The following CNNM2 variants were observed in gnomAD, a reference collection of about 807,000 sequenced individuals.
CNNM2 encodes the protein cyclin and CBS domain divalent metal cation transport mediator 2, also known as metal transporter CNNM2.
A neutral mutation model predicts 66.9 loss-of-function variants in CNNM2; 12 were observed. That is an observed-to-expected ratio of 0.18 (90% CI 0.11 to 0.29). CNNM2 has a LOEUF of 0.29. CNNM2 is among the 10% of genes least tolerant of loss of function. The probability of loss-of-function intolerance (pLI) is 1.00; values close to 1 mark genes in which losing one functional copy is unlikely to be tolerated. For synonymous variants in CNNM2, 557 were observed against 501.8 expected, an observed-to-expected ratio of 1.11 and a Z score of -1.47; for missense variants, 705 against 1,167.7, an observed-to-expected ratio of 0.60 and a Z score of 5.77.
chr10:103,072,117 C>G (rs1162629589), intron 6 of CNNM2, among the ~76,000 whole-genome samples: 5 of 152,132 alleles, frequency 3.3e-5, no homozygotes, highest in Non-Finnish European at 5.9e-5. Flanking sequence ...GTTAGCGCTC[C>G]CTGCCCTTGT....
At chr10:103,050,666 G>A (rs1028094504) in intron 2 of CNNM2, among the ~76,000 whole-genome samples, 3 of 152,162 alleles carry the variant, frequency 2.0e-5, no homozygotes, top group African/African-American at 7.2e-5. Flanking sequence ...GGGGCAGTGG[G>A]TCGGGGGTGT....
rs550729365 is a variant in CNNM2, at chr10:103,089,987, G to T, written c.*12807G>T. ...CCCCAAATCCTAACCCCTCTCCTCT[G>T]TTAGGTGGCCATGCAATTACATCTA... On this transcript the variant is annotated 3_prime_UTR_variant, in exon 8 of 8. Coordinates refer to ENST00000369878, the MANE Select transcript of CNNM2 (RefSeq NM_017649.5). The T allele has an allele frequency of 1.9e-4, 225 of 1,159,218 alleles. 2 individuals carry two copies. The South Asian group carries it at 2.5e-3, about 13-fold the overall frequency. 71.8% of individuals were successfully genotyped at this position (1,159,218 alleles called of 1,614,324 possible). A position where few individuals can be genotyped will look rare whatever the true frequency, so the allele number is the denominator to read the frequency against.
At chr10:102,931,514 C>T (rs569818169) in intron 1 of CNNM2, among the ~76,000 whole-genome samples, 3 of 152,146 alleles carry the variant, frequency 2.0e-5, no homozygotes, top group African/African-American at 7.2e-5. Context: ...CGCACCACCA[C>T]GGCCGGCTAA....
intron 1 of CNNM2, among the ~76,000 whole-genome samples, chr10:102,972,776 T>C (rs1454947991): frequency 6.6e-6 from 1 of 152,218 alleles, no homozygotes; most frequent in Non-Finnish European, 1.5e-5. Flanking sequence ...TTGGTTCCTT[T>C]TACTTAACAT....
intron 7 of CNNM2, 150 bp downstream of exon 7, chr10:103,076,420 C>T (rs1169424654): frequency 3.8e-5 from 28 of 746,552 alleles, no homozygotes; most frequent in Non-Finnish European, 5.3e-5. Context: ...CACACCCTGT[C>T]TTCGTCTGCT....
chr10:103,057,593 G>C (rs116134457), intron 4 of CNNM2, among the ~76,000 whole-genome samples: 3 of 152,084 alleles, frequency 2.0e-5, no homozygotes, highest in Non-Finnish European at 4.4e-5. Flanking sequence ...AATCTCAGTG[G>C]GTGTTTGAAA....
chr10:102,948,106 C>T (rs1248274993), intron 1 of CNNM2, among the ~76,000 whole-genome samples: 1 of 152,076 alleles, frequency 6.6e-6, no homozygotes. Context: ...AAACATTCAT[C>T]TTGTAATTTT....
chr10:102,990,357 AT>A (rs983208676), intron 1 of CNNM2, among the ~76,000 whole-genome samples: 58 of 152,070 alleles, frequency 3.8e-4, no homozygotes, highest in African/African-American at 1.3e-3. Flanking sequence ...GTTACTAGGG[AT>A]GGGGATGCTA....
rs1338586424 is a variant in CNNM2, at chr10:103,081,342, G to C, written c.*4162G>C. 1 of 152,364 alleles carries C rather than the reference G, an allele frequency of 6.6e-6. No individual in the cohort carries two copies. The allele number at this position is 152,364 out of a possible 1,614,324, so 9.4% of individuals were successfully genotyped here. A position where few individuals can be genotyped will look rare whatever the true frequency, so the allele number is the denominator to read the frequency against. On this transcript the variant is annotated 3_prime_UTR_variant, in exon 8 of 8. Transcript: ENST00000369878. The stretch of plus-strand genomic sequence containing the variant: ...ACTGGCTCTTGTCCTGGGCCATGTA[G>C]TTCCATTCTGGGCTCTAGGCTAGTG...
At chr10:102,992,061 G>A (rs891794089) in intron 1 of CNNM2, among the ~76,000 whole-genome samples, 29 of 152,078 alleles carry the variant, frequency 1.9e-4, no homozygotes, top group Non-Finnish European at 4.0e-4. Context: ...ACATGCTGAT[G>A]TATTAAAATC....
intron 1 of CNNM2, among the ~76,000 whole-genome samples, chr10:102,940,331 C>T (rs781223040): frequency 3.9e-5 from 6 of 152,120 alleles, no homozygotes; most frequent in African/African-American, 4.8e-5. Flanking sequence ...TCTCTCCATT[C>T]CCACTGCTAC....
intron 1 of CNNM2, among the ~76,000 whole-genome samples, chr10:102,985,217 A>T (rs1343709705): frequency 6.6e-6 from 1 of 152,112 alleles, no homozygotes; most frequent in African/African-American, 2.4e-5. Flanking sequence ...TTTTTCTAAA[A>T]CAATTTGAAT....
rs371126297 is a variant in CNNM2 at position 102,956,288 on chromosome 10, CAAA to C, written c.1621+36205_1621+36207del. Among the ~76,000 whole-genome samples, 29 of 74,028 alleles carry C rather than the reference CAAA, an allele frequency of 3.9e-4. No individual in the cohort carries two copies. In the East Asian group the frequency reaches 8.0e-3, roughly 20 times the overall value. The allele number at this position is 74,028 out of a possible 152,430, so 48.6% of individuals were successfully genotyped here. On this transcript the variant is annotated intron_variant, in intron 1 of 7. Transcript: ENST00000369878. ...GGGCAATAAGAGCAAGATTCCATCT[CAAA>C]AAAAAAAAAAAAAAAAAGTCAGGAA...
intron 1 of CNNM2, among the ~76,000 whole-genome samples, chr10:102,953,800 A>G (rs560749715): frequency 4.6e-5 from 7 of 151,952 alleles, no homozygotes; most frequent in East Asian, 1.9e-4. Flanking sequence ...AACTCAGGCA[A>G]TCCACCTGCC....
intron 1 of CNNM2, among the ~76,000 whole-genome samples, chr10:103,029,476 T>C (rs2064779606): frequency 1.4e-5 from 2 of 146,012 alleles, no homozygotes; most frequent in Non-Finnish European, 3.0e-5. Flanking sequence ...AATAAATAAA[T>C]AAATACATAA....
At position 102,919,605 on chromosome 10, in the gene CNNM2, C is replaced by T; in HGVS notation, c.1125C>T (p.Thr375=). The change falls in exon 1 of 8, where the codon ACC becomes ACT. Residue 375 remains threonine, a synonymous_variant. Coordinates refer to ENST00000369878, the MANE Select transcript of CNNM2 (RefSeq NM_017649.5). ...ATGGCCTGGCTGTGGGGGCCAACAC[C>T]ATCTTCCTCACCAAGTTTTTCATGA... The part of the protein sequence containing the change: ...SRHGLAVGAN[T]IFLTKFFMMM... 6.2e-7 allele frequency: 1 copy of T among 1,613,788 alleles called. No homozygotes were observed. Among genetic ancestry groups the T allele is most frequent in the South Asian group, 1.1e-5 (1 of 91,084 alleles).
chr10:102,935,744 G>C (rs1590273578), intron 1 of CNNM2, among the ~76,000 whole-genome samples: 1 of 139,704 alleles, frequency 7.2e-6, no homozygotes, highest in Non-Finnish European at 1.5e-5. Context: ...CCAAATAGCT[G>C]TGATCACAGG....
chr10:103,010,033 ATGG>A (rs746034930), intron 1 of CNNM2, among the ~76,000 whole-genome samples: 1 of 152,168 alleles, frequency 6.6e-6, no homozygotes, highest in Non-Finnish European at 1.5e-5. Context: ...ATGTCAAATA[ATGG>A]TAGAAACATT....
chr10:102,952,081 G>T (rs999276381), intron 1 of CNNM2, among the ~76,000 whole-genome samples: 2 of 152,012 alleles, frequency 1.3e-5, no homozygotes, highest in Admixed American at 6.6e-5. Flanking sequence ...GGGATCACAG[G>T]CGTGAGCCAC....
Sources: allele counts gnomAD v4.1 joint callset (sites outside exome capture counted in the v4.1 genomes callset), GRCh38; gene constraint gnomAD v4.1.1; transcripts MANE v1.5; gene names NCBI Gene and HGNC (gene_info 2026-07-23, HGNC 2026-07-21).